Variants in NRG3 observed in about 807,000 individuals in gnomAD.
NRG3 encodes the protein pro-neuregulin-3, membrane-bound isoform.
A neutral mutation model predicts 66.9 loss-of-function variants in NRG3; 31 were observed. The observed-to-expected ratio is 0.46, with a 90% CI of 0.35 to 0.63. NRG3 has a LOEUF of 0.63. NRG3 is among the 20% of genes least tolerant of loss of function. The pLI, the probability that NRG3 is intolerant of heterozygous loss-of-function variation, is 0.00. For synonymous variants in NRG3, 393 were observed against 359.4 expected, an observed-to-expected ratio of 1.09 and a Z score of -1.06; for missense variants, 910 against 878.9, an observed-to-expected ratio of 1.04 and a Z score of -0.45.
chr10:81,881,191 T>C (rs1183053125), intron 1 of NRG3, among the ~76,000 whole-genome samples: 1 of 151,322 alleles, frequency 6.6e-6, no homozygotes, highest in Non-Finnish European at 1.5e-5. Flanking sequence ...TTTGTGTTTT[T>C]TTTTTTTGTT....
intron 3 of NRG3, among the ~76,000 whole-genome samples, chr10:82,839,787 C>A (rs10885400): frequency 0.25 from 38,161 of 151,362 alleles, 5,353 homozygotes; most frequent in East Asian, 0.48. Flanking sequence ...GATAAAAGAC[C>A]AAAATAAATG....
chr10:82,980,791 C>A (rs944757265), intron 8 of NRG3, among the ~76,000 whole-genome samples: 2 of 152,142 alleles, frequency 1.3e-5, no homozygotes, highest in Non-Finnish European at 2.9e-5. Flanking sequence ...CCAAGGGGTT[C>A]AAAATGTATA....
chr10:82,980,192 G>A (rs1852715048), intron 8 of NRG3, among the ~76,000 whole-genome samples: 1 of 146,696 alleles, frequency 6.8e-6, no homozygotes, highest in Non-Finnish European at 1.5e-5. Context: ...GTGACAGAGT[G>A]AGACCCTATC....
At chr10:82,309,557 A>G (rs894334861) in intron 1 of NRG3, among the ~76,000 whole-genome samples, 2 of 152,148 alleles carry the variant, frequency 1.3e-5, no homozygotes, top group Admixed American at 1.3e-4. Flanking sequence ...AAATTTGAGC[A>G]TCTGGGAGAA....
intron 2 of NRG3, among the ~76,000 whole-genome samples, chr10:82,396,185 C>G (rs2086704097): frequency 6.6e-6 from 1 of 152,062 alleles, no homozygotes; most frequent in Non-Finnish European, 1.5e-5. Flanking sequence ...CAAGAGTTTT[C>G]TTAATGTGAA....
chr10:82,358,492 C>T (rs865873721), intron 1 of NRG3, among the ~76,000 whole-genome samples: 13 of 152,202 alleles, frequency 8.5e-5, no homozygotes, highest in Middle Eastern at 3.4e-3. Flanking sequence ...TTTACTTGTC[C>T]ACAAATGGGG....
chr10:82,535,365 T>C (rs947210337), intron 2 of NRG3, among the ~76,000 whole-genome samples: 4 of 151,986 alleles, frequency 2.6e-5, no homozygotes, highest in African/African-American at 9.7e-5. Flanking sequence ...CCCAGAACAC[T>C]TTATTTACGG....
chr10:82,699,161 T>A (rs2055632634), intron 2 of NRG3, among the ~76,000 whole-genome samples: 1 of 152,056 alleles, frequency 6.6e-6, no homozygotes, highest in Admixed American at 6.6e-5. Flanking sequence ...TGTGTTAATC[T>A]TGAAGTAATT....
At chr10:82,611,407 T>C (rs886244938) in intron 2 of NRG3, among the ~76,000 whole-genome samples, 3 of 152,066 alleles carry the variant, frequency 2.0e-5, no homozygotes. Context: ...CCCAGTGCTA[T>C]CCCTCCCCCA....
chr10:82,463,023 C>G (rs2091593158), intron 2 of NRG3, among the ~76,000 whole-genome samples: 1 of 152,132 alleles, frequency 6.6e-6, no homozygotes, highest in African/African-American at 2.4e-5. Context: ...ACTAGAAAGT[C>G]ATATTGGAAG....
chr10:82,978,888 T>G, intron 7 of NRG3, 62 bp from the exon 8 acceptor site: 276 of 1,532,124 alleles, frequency 1.8e-4, no homozygotes, highest in Non-Finnish European at 2.3e-4. Context: ...CAGCCACCTG[T>G]GAGGTTATTG....
intron 1 of NRG3, among the ~76,000 whole-genome samples, chr10:82,335,888 T>A (rs542175147): frequency 6.6e-6 from 1 of 152,302 alleles, no homozygotes; most frequent in East Asian, 1.9e-4. Context: ...GAAAGCCACT[T>A]TCCCCAGTAA....
intron 1 of NRG3, among the ~76,000 whole-genome samples, chr10:81,930,813 C>A (rs1426010715): frequency 6.6e-6 from 1 of 152,182 alleles, no homozygotes; most frequent in Non-Finnish European, 1.5e-5. Flanking sequence ...GGTGATGAAT[C>A]TGTAGCTCCT....
rs575244412 is a variant in NRG3, at chr10:82,423,456, G to C, written c.953+64588G>C. On this transcript the variant is annotated intron_variant, in intron 2 of 8. Coordinates refer to ENST00000372141, the MANE Select transcript of NRG3 (RefSeq NM_001010848.4). ...TCTTTGGCTGATTCTGGAAGGAGTT[G>C]AAACCTTAATTGATCAATCACTTGA... Among the ~76,000 whole-genome samples, 3 of 152,052 alleles carry C rather than the reference G, an allele frequency of 2.0e-5. No individual in the cohort carries two copies. The East Asian group carries it at 5.8e-4, about 29-fold the overall frequency.
intron 1 of NRG3, 76 bp downstream of exon 1, chr10:81,876,239 C>A: frequency 6.7e-7 from 1 of 1,488,042 alleles, no homozygotes; most frequent in Non-Finnish European, 9.0e-7. Context: ...TTTTCCCTCG[C>A]CGCCTGTTTT....
At chr10:82,965,728 T>C (rs1851146297) in intron 6 of NRG3, among the ~76,000 whole-genome samples, 1 of 151,952 alleles carries the variant, frequency 6.6e-6, no homozygotes, top group Non-Finnish European at 1.5e-5. Flanking sequence ...AGAGTAAGAC[T>C]CTGTCTCTCT....
intron 2 of NRG3, among the ~76,000 whole-genome samples, chr10:82,517,164 T>C (rs1012489399): frequency 5.3e-5 from 8 of 152,304 alleles, no homozygotes; most frequent in African/African-American, 1.9e-4. Flanking sequence ...GGAGTGATTT[T>C]GTCCAGTTAT....
chr10:82,180,587 A>C (rs2073347508), intron 1 of NRG3, among the ~76,000 whole-genome samples: 1 of 151,884 alleles, frequency 6.6e-6, no homozygotes, highest in Admixed American at 6.6e-5. Flanking sequence ...CATAGGGATA[A>C]ATTCCACTTG....
intron 2 of NRG3, among the ~76,000 whole-genome samples, chr10:82,727,570 C>A (rs2057672080): frequency 6.6e-6 from 1 of 152,226 alleles, no homozygotes; most frequent in Admixed American, 6.5e-5. Flanking sequence ...AGGATGTATG[C>A]AAATGCCTGG....
Sources: gnomAD v4.1 joint callset for allele counts (sites outside exome capture counted in the v4.1 genomes callset) on GRCh38, gnomAD v4.1.1 for gene constraint, MANE v1.5 for transcripts, NCBI Gene and HGNC (gene_info 2026-07-23, HGNC 2026-07-21) for gene names.